The following CBFB variants were observed in gnomAD, a reference collection of about 807,000 sequenced individuals.
The protein encoded by CBFB is CBF-beta.
CBFB carries 9 observed loss-of-function variants against 30.4 expected under a neutral mutation model. That is an observed-to-expected ratio of 0.30 (90% CI 0.18 to 0.52). The LOEUF (loss-of-function observed/expected upper bound fraction) is 0.52, where lower values mean the gene tolerates loss of function less well. Among genes scored for constraint, CBFB ranks in the 20% least tolerant of loss-of-function variants. CBFB has a pLI of 0.97. For synonymous variants in CBFB, 94 were observed against 84.0 expected, an observed-to-expected ratio of 1.12 and a Z score of -0.65; for missense variants, 170 against 244.0, an observed-to-expected ratio of 0.70 and a Z score of 2.02.
intron 3 of CBFB, among the ~76,000 whole-genome samples, chr16:67,041,269 A>G (rs752604549): frequency 3.3e-5 from 5 of 152,170 alleles, no homozygotes; most frequent in East Asian, 1.9e-4. Flanking sequence ...GATATTATCT[A>G]CGTTAGGTTT....
At chr16:67,051,835 A>T (rs1236780056) in intron 3 of CBFB, among the ~76,000 whole-genome samples, 2 of 148,982 alleles carry the variant, frequency 1.3e-5, no homozygotes, top group African/African-American at 5.0e-5. Flanking sequence ...TGCAACCTCC[A>T]CCTTCTGGGT....
chr16:67,035,143 A>T (rs527652311), intron 2 of CBFB, among the ~76,000 whole-genome samples: 1 of 152,132 alleles, frequency 6.6e-6, no homozygotes, highest in Non-Finnish European at 1.5e-5. Flanking sequence ...ACAGTGGTGC[A>T]ATCTCGGCTG....
intron 3 of CBFB, among the ~76,000 whole-genome samples, chr16:67,037,351 T>C (rs940514137): frequency 1.3e-5 from 2 of 152,158 alleles, no homozygotes; most frequent in African/African-American, 4.8e-5. Flanking sequence ...TACAAAAATA[T>C]ATGTAAGTAT....
At chr16:67,064,743 G>A (rs775887442) in intron 3 of CBFB, among the ~76,000 whole-genome samples, 9 of 152,096 alleles carry the variant, frequency 5.9e-5, no homozygotes, top group Non-Finnish European at 1.3e-4. Context: ...ATTTGGGTAT[G>A]ATGTATACCT....
At chr16:67,053,601 G>A (rs1041064494) in intron 3 of CBFB, among the ~76,000 whole-genome samples, 26 of 151,954 alleles carry the variant, frequency 1.7e-4, no homozygotes, top group African/African-American at 6.3e-4. Flanking sequence ...GAGCTGAACA[G>A]AATCTTAGGG....
chr16:67,079,515 CTTTTTTTTTT>C (rs34164177), intron 4 of CBFB, among the ~76,000 whole-genome samples: 1 of 98,666 alleles, frequency 1.0e-5, no homozygotes, highest in Non-Finnish European at 2.0e-5. Flanking sequence ...GGCCCTGGGT[CTTTTTTTTTT>C]TTTTTTTTTT....
intron 3 of CBFB, among the ~76,000 whole-genome samples, chr16:67,057,940 A>G (rs1354881827): frequency 1.3e-5 from 2 of 152,010 alleles, no homozygotes; most frequent in Non-Finnish European, 2.9e-5. Context: ...GCAAAAAATT[A>G]CTCTTTCTCT....
intron 3 of CBFB, among the ~76,000 whole-genome samples, chr16:67,056,488 G>C (rs1960726635): frequency 6.6e-6 from 1 of 152,190 alleles, no homozygotes; most frequent in South Asian, 2.1e-4. Context: ...ATGTAGATTT[G>C]ATAGAGTATA....
chr16:67,055,703 T>A (rs17768165), intron 3 of CBFB, among the ~76,000 whole-genome samples: 1 of 152,164 alleles, frequency 6.6e-6, no homozygotes, highest in Admixed American at 6.5e-5. Context: ...TCTTTTGGAC[T>A]GTAAGATGAT....
intron 2 of CBFB, chr16:67,030,118 T>G: frequency 3.2e-6 from 1 of 312,706 alleles, no homozygotes; most frequent in Non-Finnish European, 5.7e-6. Flanking sequence ...CGAAGAAGGG[T>G]TCAGGGTATT....
intron 5 of CBFB, among the ~76,000 whole-genome samples, chr16:67,090,297 G>GATTA (rs1961847692): frequency 6.6e-6 from 1 of 152,088 alleles, no homozygotes; most frequent in Non-Finnish European, 1.5e-5. Context: ...TAAAAAGAAG[G>GATTA]CTTTTAAAAA....
chr16:67,042,519 A>G (rs925739174), intron 3 of CBFB, among the ~76,000 whole-genome samples: 2 of 151,980 alleles, frequency 1.3e-5, no homozygotes, highest in Non-Finnish European at 2.9e-5. Context: ...CACCCCCCCA[A>G]AGGTTTCCTT....
intron 4 of CBFB, among the ~76,000 whole-genome samples, chr16:67,074,564 G>T (rs1458520017): frequency 6.6e-6 from 1 of 151,954 alleles, no homozygotes; most frequent in African/African-American, 2.4e-5. Flanking sequence ...TGTATTTTTA[G>T]TAGAGACGAG....
At chr16:67,075,793 G>T (rs1048468341) in intron 4 of CBFB, among the ~76,000 whole-genome samples, 1 of 152,182 alleles carries the variant, frequency 6.6e-6, no homozygotes, top group African/African-American at 2.4e-5. Flanking sequence ...ACACCAATAT[G>T]TGTGAGTTCC....
chr16:67,092,589 C>G (rs570331005), intron 5 of CBFB, among the ~76,000 whole-genome samples: 2 of 149,274 alleles, frequency 1.3e-5, no homozygotes, highest in African/African-American at 4.9e-5. Context: ...TTCTATAATT[C>G]TGTATTCAGA....
chr16:67,082,163 A>AT (rs527652336), intron 4 of CBFB, 50 bp from the exon 5 acceptor site: 21,308 of 1,314,596 alleles, frequency 0.016, 203 homozygotes, highest in Non-Finnish European at 0.018. Context: ...CAAATATTGT[A>AT]TTTTTTTTAT....
intron 5 of CBFB, among the ~76,000 whole-genome samples, chr16:67,095,928 GT>G (rs1035698580): frequency 6.6e-6 from 1 of 151,662 alleles, no homozygotes; most frequent in Admixed American, 6.6e-5. Flanking sequence ...CTGACCTCAG[GT>G]GATCCGCCCA....
chr16:67,095,071 TAGTC>T (rs1469888901), intron 5 of CBFB, among the ~76,000 whole-genome samples: 1 of 151,538 alleles, frequency 6.6e-6, no homozygotes, highest in Non-Finnish European at 1.5e-5. Flanking sequence ...TAAAAAAAGT[TAGTC>T]GGGCATGGAA....
intron 5 of CBFB, among the ~76,000 whole-genome samples, chr16:67,092,698 CTTTTTTTTTTTTTTT>C (rs777213321): frequency 1.8e-4 from 6 of 33,528 alleles, no homozygotes; most frequent in Admixed American, 6.1e-4. Context: ...GTGGTGCAAT[CTTTTTTTTTTTTTTT>C]TTTTTTTTTT....
Sources: gnomAD v4.1 joint callset for allele counts (sites outside exome capture counted in the v4.1 genomes callset) on GRCh38, gnomAD v4.1.1 for gene constraint, MANE v1.5 for transcripts, NCBI Gene and HGNC (gene_info 2026-07-23, HGNC 2026-07-21) for gene names.